Variants in FAAP20 observed in about 807,000 individuals in gnomAD.
The protein encoded by FAAP20 is Fanconi anemia core complex-associated protein 20.
Under a neutral mutation model 16.2 loss-of-function variants are expected in FAAP20, and 12 were observed. The observed-to-expected ratio is 0.74, with a 90% CI of 0.48 to 1.20. The LOEUF is 1.20. FAAP20 is among the 50% of genes most tolerant of loss of function. FAAP20 has a pLI of 0.00. For synonymous variants in FAAP20, 141 were observed against 110.7 expected (o/e 1.27, Z -1.72); for missense variants, 288 against 245.8 (o/e 1.17, Z -1.15).
chr1:2,206,830 CAAA>C (rs57221891), intron 1 of FAAP20, among the ~76,000 whole-genome samples: 3 of 89,828 alleles, frequency 3.3e-5, no homozygotes, highest in Non-Finnish European at 4.4e-5. Flanking sequence ...GAGACTGTCT[CAAA>C]AAAAAAAAAA....
In FAAP20 at chr1:2,193,685, C is replaced by A. The variant is rs760280006; in HGVS notation, c.424G>T (p.Ala142Ser). The A allele has an allele frequency of 2.5e-6, 4 of 1,599,350 alleles. No individual in the cohort carries two copies. Among genetic ancestry groups the A allele is most frequent in the Non-Finnish European group, 3.4e-6 (4 of 1,175,698 alleles). Reference protein sequence around the residue: ...VEQQPSVEGAAALRSCPMCQK... With the variant: ...VEQQPSVEGASALRSCPMCQK... ...CACATGGGGCAGCTGCGCAGGGCCG[C>A]GGCACCCTCCACAGACGGCTGCTGC... Residue 142 changes from alanine to serine, a missense_variant, in exon 3 of 4, where the codon GCG (alanine) becomes TCG (serine). Coordinates refer to ENST00000378546, the MANE Select transcript of FAAP20 (RefSeq NM_182533.4).
At chr1:2,208,840 T>C (rs975268640), downstream of FAAP20, among the ~76,000 whole-genome samples, 3 of 152,072 alleles carry the variant, frequency 2.0e-5, no homozygotes, top group African/African-American at 7.2e-5. Flanking sequence ...GGAAACAAAG[T>C]GTTCAGAAAA....
downstream of FAAP20, among the ~76,000 whole-genome samples, chr1:2,211,420 TATATATATATATA>T (rs1689436984): frequency 7.3e-5 from 2 of 27,280 alleles, no homozygotes; most frequent in African/African-American, 4.5e-4. Flanking sequence ...TATATATATA[TATATATATATATA>T]TATTTTTTTT....
chr1:2,185,435 C>T, downstream of FAAP20: 1 of 718,752 alleles, frequency 1.4e-6, no homozygotes, highest in East Asian at 2.7e-5. Flanking sequence ...GCGCCTGCCC[C>T]ACATCTCAGA....
upstream of FAAP20, among the ~76,000 whole-genome samples, chr1:2,202,542 C>T (rs1468643593): frequency 6.6e-6 from 1 of 152,198 alleles, no homozygotes; most frequent in East Asian, 1.9e-4. Context: ...CGGCTCACTG[C>T]AACTGATGCT....
At chr1:2,193,154 G>A in intron 3 of FAAP20, 1 of 434,638 alleles carries the variant, frequency 2.3e-6, no homozygotes. Context: ...CAGGCACTGG[G>A]CAGTTTGGGT....
At chr1:2,184,680 A>G (rs1687288187), downstream of FAAP20, 1 of 1,613,528 alleles carries the variant, frequency 6.2e-7, no homozygotes, top group South Asian at 1.1e-5. Flanking sequence ...GAGCCCGTGC[A>G]GCTGACCCCA....
upstream of FAAP20, among the ~76,000 whole-genome samples, chr1:2,196,549 A>AG (rs1447548361): frequency 6.6e-5 from 10 of 152,014 alleles, no homozygotes; most frequent in South Asian, 2.1e-3. The surrounding 1 kb of genome is among the most constrained non-coding windows in gnomAD (Gnocchi z 4.5). Context: ...TCAAAAAAAA[A>AG]AAAAAATAGG....
downstream of FAAP20, among the ~76,000 whole-genome samples, chr1:2,186,567 C>T (rs1687629929): frequency 6.8e-6 from 1 of 146,384 alleles, no homozygotes; most frequent in Non-Finnish European, 1.5e-5. Context: ...CCAACCTTAG[C>T]TGTTGAGACT....
At position 2,189,781 on chromosome 1, in the gene FAAP20, C is replaced by T. The variant is rs140593716; in HGVS notation, c.471G>A (p.Arg157=). The T allele has an allele frequency of 4.3e-6, 7 of 1,611,560 alleles. No homozygotes were observed. The African/African-American group carries it at 8.0e-5, about 18-fold the overall frequency. The change falls in exon 4 of 4, where the codon AGG becomes AGA. Residue 157 remains arginine (R), a splice_region_variant and synonymous_variant. Transcript: ENST00000378546. ...GGCTGTCAACATCCAGCTGGGTCAG[C>T]CTGCAAGGGAGGGGCCACACTCACT... ...CPMCQKEFAP[R]LTQLDVDSHL... is the part of the protein sequence containing the mutation.
upstream of FAAP20, among the ~76,000 whole-genome samples, chr1:2,203,027 T>C (rs1689107484): frequency 6.6e-6 from 1 of 152,230 alleles, no homozygotes; most frequent in African/African-American, 2.4e-5. Context: ...ACAACAGTGC[T>C]GTCCATCCGA....
downstream of FAAP20, among the ~76,000 whole-genome samples, chr1:2,207,257 G>C (rs538041731): frequency 6.6e-6 from 1 of 152,156 alleles, no homozygotes; most frequent in African/African-American, 2.4e-5. Context: ...GTGCATCCAG[G>C]GTGTCTTGTC....
chr1:2,194,824 G>A, upstream of FAAP20: 2 of 884,716 alleles, frequency 2.3e-6, no homozygotes, highest in Non-Finnish European at 2.6e-6. Flanking sequence ...CCCCGGCCCC[G>A]CCTCCAGACC....
chr1:2,190,895 T>A (rs1444329524), intron 3 of FAAP20: 1 of 166,484 alleles, frequency 6.0e-6, no homozygotes, highest in African/African-American at 2.4e-5. Flanking sequence ...GGCTTTGCTG[T>A]GTCCCTTCCT....
At chr1:2,204,887 G>GC (rs1174143696), upstream of FAAP20, among the ~76,000 whole-genome samples, 3 of 62,774 alleles carry the variant, frequency 4.8e-5, no homozygotes, top group South Asian at 5.6e-4. Context: ...CCCACGCCCC[G>GC]CCCTCAAGCC....
intron 1 of FAAP20, 123 bp from the exon 2 acceptor site, chr1:2,194,256 G>T: frequency 7.5e-7 from 1 of 1,331,674 alleles, no homozygotes; most frequent in South Asian, 1.4e-5. Flanking sequence ...GAAATTCGAT[G>T]GTGCGGGAGG....
downstream of FAAP20, chr1:2,184,894 C>T (rs746512300): frequency 6.3e-7 from 1 of 1,595,356 alleles, no homozygotes; most frequent in East Asian, 2.2e-5. Context: ...ACGGTCACCC[C>T]CCTCCCCCCT....
downstream of FAAP20, among the ~76,000 whole-genome samples, chr1:2,209,878 G>A (rs555905548): frequency 2.6e-5 from 4 of 152,290 alleles, no homozygotes; most frequent in East Asian, 5.8e-4. Flanking sequence ...CGGAGGAGGC[G>A]CTTCAGTGGA....
chr1:2,194,563 G>A (rs1382176813), intron 1 of FAAP20, 125 bp downstream of exon 1: 11 of 393,788 alleles, frequency 2.8e-5, no homozygotes, highest in Non-Finnish European at 3.8e-5. Context: ...GACGGGCGTG[G>A]GGGCCGGGCC....
Sources: allele counts gnomAD v4.1 joint callset (sites outside exome capture counted in the v4.1 genomes callset), GRCh38; gene constraint gnomAD v4.1.1; non-coding constraint Gnocchi (gnomAD v3.1); transcripts MANE v1.5; gene names NCBI Gene and HGNC (gene_info 2026-07-23, HGNC 2026-07-21).